Variants in LRFN5 observed in about 807,000 individuals in gnomAD.
LRFN5 encodes the protein leucine-rich repeat and fibronectin type-III domain-containing protein 5.
A neutral mutation model predicts 45.6 loss-of-function variants in LRFN5; 24 were observed. The ratio of observed to expected loss-of-function variants is 0.53; its 90% confidence interval spans 0.38 to 0.74. The LOEUF (loss-of-function observed/expected upper bound fraction) is 0.74, where lower values mean the gene tolerates loss of function less well. LRFN5 is among the 30% of genes least tolerant of loss of function. The pLI, the probability that LRFN5 is intolerant of heterozygous loss-of-function variation, is 0.00. For missense variants in LRFN5, 776 were observed against 861.5 expected (o/e 0.90, Z 1.24); for synonymous variants, 340 against 313.8 (o/e 1.08, Z -0.88).
intron 1 of LRFN5, among the ~76,000 whole-genome samples, chr14:41,650,021 G>T (rs1180104790): frequency 6.6e-6 from 1 of 152,124 alleles, no homozygotes; most frequent in South Asian, 2.1e-4. Context: ...AGATTTCACT[G>T]TGTAAACATT....
At chr14:41,737,287 G>C (rs891613064) in intron 1 of LRFN5, among the ~76,000 whole-genome samples, 2 of 152,072 alleles carry the variant, frequency 1.3e-5, no homozygotes, top group Non-Finnish European at 2.9e-5. Flanking sequence ...AAAGGTTTTT[G>C]ATAAAATTTA....
chr14:41,796,555 T>G (rs1887137685), intron 2 of LRFN5, among the ~76,000 whole-genome samples: 1 of 151,984 alleles, frequency 6.6e-6, no homozygotes, highest in Non-Finnish European at 1.5e-5. Context: ...CTTTGCTGTA[T>G]TTTTTATAGT....
At chr14:41,904,086 C>A in intron 5 of LRFN5, 72 bp from the exon 6 acceptor site, 1 of 1,276,422 alleles carries the variant, frequency 7.8e-7, no homozygotes. Flanking sequence ...GCACAATGAT[C>A]TTATTAGCTA....
chr14:41,795,521 C>A (rs2138955344), intron 2 of LRFN5, among the ~76,000 whole-genome samples: 1 of 152,166 alleles, frequency 6.6e-6, no homozygotes, highest in East Asian at 1.9e-4. Flanking sequence ...GACTTGGAAC[C>A]AACCCAAATG....
At chr14:41,697,337 A>G (rs980468156) in intron 1 of LRFN5, among the ~76,000 whole-genome samples, 2 of 151,830 alleles carry the variant, frequency 1.3e-5, no homozygotes, top group Non-Finnish European at 2.9e-5. Context: ...ATACATTGTT[A>G]CTATGTTTGC....
At chr14:41,616,939 T>C (rs1887946825) in intron 1 of LRFN5, among the ~76,000 whole-genome samples, 1 of 152,132 alleles carries the variant, frequency 6.6e-6, no homozygotes, top group Non-Finnish European at 1.5e-5. Flanking sequence ...AACTGTAAAG[T>C]GTTTCTTCGA....
chr14:41,668,164 A>G (rs925027534), intron 1 of LRFN5, among the ~76,000 whole-genome samples: 2 of 152,024 alleles, frequency 1.3e-5, no homozygotes, highest in African/African-American at 4.8e-5. Context: ...AGATATAGCC[A>G]TTAATAACAA....
chr14:41,744,867 AC>A (rs1348367389), intron 1 of LRFN5, among the ~76,000 whole-genome samples: 3 of 152,144 alleles, frequency 2.0e-5, no homozygotes, highest in Non-Finnish European at 4.4e-5. Context: ...AAACATTTAC[AC>A]GTAGTAATTG....
At chr14:41,634,030 ATAT>A (rs1316277415) in intron 1 of LRFN5, among the ~76,000 whole-genome samples, 8 of 152,304 alleles carry the variant, frequency 5.3e-5, no homozygotes, top group South Asian at 2.1e-4. Context: ...CCATATAATT[ATAT>A]TATTAACATT....
intron 1 of LRFN5, among the ~76,000 whole-genome samples, chr14:41,686,721 G>A (rs993350406): frequency 1.3e-5 from 2 of 152,098 alleles, no homozygotes; most frequent in East Asian, 3.9e-4. Flanking sequence ...AGATAATAAT[G>A]TGATTTTTGT....
chr14:41,851,751 G>T (rs1889275499), intron 2 of LRFN5, among the ~76,000 whole-genome samples: 1 of 151,754 alleles, frequency 6.6e-6, no homozygotes, highest in Non-Finnish European at 1.5e-5. Context: ...TAAAACATCA[G>T]TTTGCATTAC....
chr14:41,903,830 A>G (rs1891169925), intron 5 of LRFN5, among the ~76,000 whole-genome samples: 1 of 152,064 alleles, frequency 6.6e-6, no homozygotes. Context: ...TTGAAATTAT[A>G]TATGTGAAAA....
chr14:41,642,877 G>C (rs146194760), intron 1 of LRFN5, among the ~76,000 whole-genome samples: 35 of 152,228 alleles, frequency 2.3e-4, no homozygotes, highest in African/African-American at 8.4e-4. Context: ...GGTTTTAAAT[G>C]TTAAAGATTA....
At chr14:41,845,505 T>G (rs1054967029) in intron 2 of LRFN5, among the ~76,000 whole-genome samples, 1 of 152,120 alleles carries the variant, frequency 6.6e-6, no homozygotes, top group African/African-American at 2.4e-5. Flanking sequence ...AGTTTGTAAA[T>G]TTTTTTCTTT....
chr14:41,722,565 G>GTTTTTTTTTTTT (rs201341679), intron 1 of LRFN5, among the ~76,000 whole-genome samples: 4 of 145,800 alleles, frequency 2.7e-5, no homozygotes, highest in African/African-American at 5.0e-5. Flanking sequence ...AAAATACGGT[G>GTTTTTTTTTTTT]TTTTTTTTTT....
chr14:41,900,105 A>C (rs1228470295), intron 5 of LRFN5, among the ~76,000 whole-genome samples: 1 of 151,898 alleles, frequency 6.6e-6, no homozygotes, highest in Non-Finnish European at 1.5e-5. Flanking sequence ...TTTCATTTTT[A>C]AAGTTCATTT....
At chr14:41,736,390 C>T (rs914969055) in intron 1 of LRFN5, among the ~76,000 whole-genome samples, 2 of 152,110 alleles carry the variant, frequency 1.3e-5, no homozygotes, top group African/African-American at 2.4e-5. Context: ...GTTTGTTGAC[C>T]TCATTAATGT....
intron 2 of LRFN5, among the ~76,000 whole-genome samples, chr14:41,785,323 A>T (rs187423889): frequency 6.6e-6 from 1 of 151,980 alleles, no homozygotes; most frequent in African/African-American, 2.4e-5. Flanking sequence ...TTTGTCCCCT[A>T]TATCTTTGGT....
chr14:41,875,241 A>G (rs546584967), intron 2 of LRFN5, among the ~76,000 whole-genome samples: 14 of 152,352 alleles, frequency 9.2e-5, no homozygotes, highest in Non-Finnish European at 1.8e-4. Flanking sequence ...CTGCACATGC[A>G]TAGGAAATGC....
Sources: gnomAD v4.1 joint callset for allele counts (sites outside exome capture counted in the v4.1 genomes callset) on GRCh38, gnomAD v4.1.1 for gene constraint, MANE v1.5 for transcripts, NCBI Gene and HGNC (gene_info 2026-07-23, HGNC 2026-07-21) for gene names.